LRRTM4: variants seen among roughly 807,000 people sequenced by gnomAD.
LRRTM4 encodes the protein leucine-rich repeat transmembrane neuronal protein 4.
In LRRTM4, 25 loss-of-function variants were observed where a neutral mutation model predicts 47.6. That is an observed-to-expected ratio of 0.53 (90% confidence interval 0.38 to 0.73). The LOEUF is 0.73. LRRTM4 is among the 30% of genes least tolerant of loss of function. The probability of loss-of-function intolerance (pLI) is 0.00; values close to 1 mark genes in which losing one functional copy is unlikely to be tolerated. For synonymous variants in LRRTM4, 311 were observed against 269.5 expected (o/e 1.15, Z -1.51); for missense variants, 638 against 713.4 (o/e 0.89, Z 1.20).
At chr2:77,327,891 G>A (rs149306789) in intron 3 of LRRTM4, among the ~76,000 whole-genome samples, 111 of 152,196 alleles carry the variant, frequency 7.3e-4, no homozygotes, top group Middle Eastern at 3.4e-3. Context: ...GAGAAAGAGG[G>A]AAAAGCAGAG....
chr2:76,774,519 A>T (rs928246607), intron 3 of LRRTM4, among the ~76,000 whole-genome samples: 3 of 152,176 alleles, frequency 2.0e-5, no homozygotes, highest in East Asian at 1.9e-4. Flanking sequence ...AAGAAAATTT[A>T]AAAAAGACAA....
chr2:76,921,468 A>G (rs567253057), intron 3 of LRRTM4, among the ~76,000 whole-genome samples: 5 of 151,980 alleles, frequency 3.3e-5, no homozygotes, highest in African/African-American at 1.2e-4. Context: ...TTCATGCTCT[A>G]TTCTTTGAAA....
chr2:77,136,356 C>T (rs924340220), intron 3 of LRRTM4, among the ~76,000 whole-genome samples: 1 of 152,184 alleles, frequency 6.6e-6, no homozygotes, highest in Non-Finnish European at 1.5e-5. Flanking sequence ...TGCTGATACC[C>T]AGGCAAACAG....
intron 3 of LRRTM4, among the ~76,000 whole-genome samples, chr2:77,154,719 G>T (rs544399653): frequency 6.6e-6 from 1 of 151,958 alleles, no homozygotes; most frequent in Non-Finnish European, 1.5e-5. Flanking sequence ...AGGAAAATAC[G>T]AAATATGAAA....
intron 3 of LRRTM4, among the ~76,000 whole-genome samples, chr2:77,477,671 G>A (rs748507060): frequency 4.6e-5 from 7 of 151,276 alleles, no homozygotes; most frequent in East Asian, 1.9e-4. Context: ...GAGAAACCCC[G>A]TCTCCACTAA....
chr2:77,293,533 C>T (rs1676887199), intron 3 of LRRTM4, among the ~76,000 whole-genome samples: 1 of 152,046 alleles, frequency 6.6e-6, no homozygotes. Flanking sequence ...TTCTCTTGAT[C>T]AACACACAAA....
At chr2:77,453,120 CAGAT>C (rs1012357720) in intron 3 of LRRTM4, among the ~76,000 whole-genome samples, 9 of 148,034 alleles carry the variant, frequency 6.1e-5, no homozygotes, top group Non-Finnish European at 1.2e-4. Flanking sequence ...ATGACAAAAA[CAGAT>C]AGGTAAATTA....
In LRRTM4 at chr2:77,359,906, C is replaced by T. The variant is rs558517715; in HGVS notation, c.1551+158412G>A. Among the ~76,000 whole-genome samples, 37 of 152,192 alleles carry T rather than the reference C, an allele frequency of 2.4e-4. No homozygotes were observed. In the South Asian group the frequency reaches 7.0e-3, roughly 29 times the overall value. On this transcript the variant is annotated intron_variant, in intron 3 of 3. Transcript: ENST00000409884. ...TAAATTAACTTGAGATACATTATGA[C>T]AAATTTAAGACAGTTAAAGGAGACA...
chr2:77,011,736 T>C (rs952098941), intron 3 of LRRTM4, among the ~76,000 whole-genome samples: 3 of 152,124 alleles, frequency 2.0e-5, no homozygotes, highest in African/African-American at 7.2e-5. Context: ...TCTTTATAGT[T>C]AACATTATCT....
chr2:76,864,895 T>G (rs1160113987), intron 3 of LRRTM4, among the ~76,000 whole-genome samples: 2 of 150,970 alleles, frequency 1.3e-5, no homozygotes, highest in African/African-American at 4.9e-5. Context: ...TCAGCTGTTT[T>G]TTTTTTTTTT....
intron 3 of LRRTM4, among the ~76,000 whole-genome samples, chr2:77,158,862 G>A (rs1672632161): frequency 6.7e-6 from 1 of 150,146 alleles, no homozygotes; most frequent in African/African-American, 2.4e-5. Context: ...CATTAACATA[G>A]GTATTTAACT....
intron 3 of LRRTM4, among the ~76,000 whole-genome samples, chr2:77,342,786 A>T (rs1671421350): frequency 6.6e-6 from 1 of 151,902 alleles, no homozygotes; most frequent in Non-Finnish European, 1.5e-5. Flanking sequence ...ATATAAAAGC[A>T]GAGTTGTCTA....
chr2:76,963,734 G>T (rs1159622600), intron 3 of LRRTM4, among the ~76,000 whole-genome samples: 2 of 150,474 alleles, frequency 1.3e-5, no homozygotes, highest in African/African-American at 4.9e-5. Flanking sequence ...CATGAATATT[G>T]GTCCCTTGAC....
rs368074321 is a variant in LRRTM4 at position 77,207,808 on chromosome 2, T to C, written c.1551+310510A>G. On this transcript the variant is annotated intron_variant, in intron 3 of 3. Transcript: ENST00000409884. ...TTTTTCCATTGGGATGGAAGAGTTTTTGTATACTCTGTTCCATACCAGATA... is the reference window on the plus strand; with the variant it reads ...TTTTTCCATTGGGATGGAAGAGTTTCTGTATACTCTGTTCCATACCAGATA... Among the ~76,000 whole-genome samples the C allele has an allele frequency of 1.7e-4, 26 of 151,634 alleles. No homozygotes were observed. The South Asian group carries it at 5.4e-3, about 32-fold the overall frequency.
intron 2 of LRRTM4, among the ~76,000 whole-genome samples, chr2:77,520,614 A>G (rs1006590712): frequency 6.6e-6 from 1 of 152,146 alleles, no homozygotes; most frequent in Admixed American, 6.6e-5. Flanking sequence ...CAAAATTCGT[A>G]TTATTTGCCT....
chr2:77,241,205 T>TACACAC (rs10555648), intron 3 of LRRTM4, among the ~76,000 whole-genome samples: 34 of 119,822 alleles, frequency 2.8e-4, no homozygotes, highest in African/African-American at 7.2e-4. Flanking sequence ...GAATTGGAAA[T>TACACAC]ACACACACAC....
chr2:77,427,261 G>A (rs1248987007), intron 3 of LRRTM4, among the ~76,000 whole-genome samples: 1 of 152,154 alleles, frequency 6.6e-6, no homozygotes. Flanking sequence ...ACAGGCGTGA[G>A]CCACCGCACC....
intron 3 of LRRTM4, among the ~76,000 whole-genome samples, chr2:77,417,576 G>A (rs542862308): frequency 7.9e-5 from 12 of 152,252 alleles, no homozygotes; most frequent in Non-Finnish European, 1.3e-4. Context: ...AATATGATGA[G>A]TTCATGTCCT....
intron 3 of LRRTM4, among the ~76,000 whole-genome samples, chr2:77,307,135 C>T (rs910073637): frequency 5.3e-5 from 8 of 151,768 alleles, no homozygotes; most frequent in African/African-American, 1.9e-4. Context: ...CTCCTGACCT[C>T]GTGATCCGCC....
Sources: gnomAD v4.1 joint callset for allele counts (sites outside exome capture counted in the v4.1 genomes callset) on GRCh38, gnomAD v4.1.1 for gene constraint, MANE v1.5 for transcripts, NCBI Gene and HGNC (gene_info 2026-07-23, HGNC 2026-07-21) for gene names.